RHOU: variants seen among roughly 807,000 people sequenced by gnomAD.
RHOU encodes the protein ras homolog family member U.
In RHOU, 8 loss-of-function variants were observed where a neutral mutation model predicts 12.6. That is an observed-to-expected ratio of 0.64 (90% CI 0.37 to 1.15). The LOEUF (loss-of-function observed/expected upper bound fraction) is 1.15, where lower values mean the gene tolerates loss of function less well. Ranked by LOEUF, RHOU falls within the 50% of genes most tolerant of loss-of-function variation. The pLI, the probability that RHOU is intolerant of heterozygous loss-of-function variation, is 0.01. For synonymous variants in RHOU, 161 were observed against 147.4 expected (o/e 1.09, Z -0.67); for missense variants, 258 against 347.0 (o/e 0.74, Z 2.04).
the RHOU span, among the ~76,000 whole-genome samples, chr1:228,675,542 A>G: frequency 6.6e-6 from 1 of 152,192 alleles, no homozygotes; most frequent in African/African-American, 2.4e-5. Context: ...CATCTGTTGC[A>G]TTTATTTATG....
chr1:228,687,743 G>A, the RHOU span: 2 of 1,427,950 alleles, frequency 1.4e-6, no homozygotes, highest in South Asian at 2.3e-5. Flanking sequence ...TGACCAACTT[G>A]TGCAAGATGG....
At chr1:228,684,038 G>GTTTC in the RHOU span, among the ~76,000 whole-genome samples, 4 of 152,122 alleles carry the variant, frequency 2.6e-5, no homozygotes, top group Admixed American at 6.5e-5. Flanking sequence ...GTTTTTGTTT[G>GTTTC]TTTCTTTCTT....
chr1:228,706,816 A>C, the RHOU span, among the ~76,000 whole-genome samples: 1 of 151,968 alleles, frequency 6.6e-6, no homozygotes, highest in South Asian at 2.1e-4. Context: ...TTACTGAATT[A>C]TTTTATTGTT....
chr1:228,700,000 A>G, the RHOU span, among the ~76,000 whole-genome samples: 2 of 152,236 alleles, frequency 1.3e-5, no homozygotes, highest in African/African-American at 4.8e-5. Flanking sequence ...TTAGTAATCT[A>G]CAACAGTCAC....
At chr1:228,729,164 G>T in the RHOU span, among the ~76,000 whole-genome samples, 36 of 152,010 alleles carry the variant, frequency 2.4e-4, no homozygotes, top group Non-Finnish European at 4.9e-4. Flanking sequence ...AAAGTGCTGG[G>T]ATTACAAGCA....
chr1:228,742,228 A>G (rs574710418), intron 2 of RHOU, among the ~76,000 whole-genome samples: 12 of 152,386 alleles, frequency 7.9e-5, no homozygotes, highest in Admixed American at 7.2e-4. Flanking sequence ...TTAGCTGAAT[A>G]TGGTGCTACA....
chr1:228,646,740 A>G, the RHOU span, among the ~76,000 whole-genome samples: 2 of 151,834 alleles, frequency 1.3e-5, no homozygotes, highest in Admixed American at 6.6e-5. Flanking sequence ...ACTCCCCCAC[A>G]CACAGACACA....
At position 228,744,359 on chromosome 1, in the gene RHOU, T is replaced by C. The variant is rs1193828104; in HGVS notation, c.*619T>C. The C allele has an allele frequency of 2.0e-5, 3 of 152,408 alleles. No homozygotes were observed. Among genetic ancestry groups the C allele is most frequent in the South Asian group, 2.1e-4 (1 of 4,830 alleles). The allele number at this position is 152,408 out of a possible 1,614,324, so 9.4% of individuals were successfully genotyped here. ...AACAGAAAACATCCCACTGACTGTA[T>C]GGCACTCTGTAGTCAAAAAAGGAAA... On this transcript the variant is annotated 3_prime_UTR_variant, in exon 3 of 3. Transcript: ENST00000366691.
the RHOU span, among the ~76,000 whole-genome samples, chr1:228,707,124 A>ATG: frequency 5.1e-5 from 4 of 78,590 alleles, no homozygotes; most frequent in Admixed American, 3.9e-4. Flanking sequence ...ATATATATAT[A>ATG]TACATATATA....
chr1:228,699,694 T>TTTTTTTTTTTTTTTTTTTTTTTGAGACGG, the RHOU span, among the ~76,000 whole-genome samples: 2 of 151,776 alleles, frequency 1.3e-5, no homozygotes, highest in African/African-American at 4.9e-5. Context: ...GTGACTTATT[T>TTTTTTTTTTTTTTTTTTTTTTTGAGACGG]AACTGTTTTA....
At chr1:228,736,656 CTT>C (rs1324227221) in intron 1 of RHOU, among the ~76,000 whole-genome samples, 20 of 152,290 alleles carry the variant, frequency 1.3e-4, no homozygotes, top group African/African-American at 4.6e-4. Flanking sequence ...TTGTTGGTAT[CTT>C]TTCAGGATCC....
rs753387546 is a variant in RHOU, at chr1:228,743,539, C to A, written c.576C>A (p.Ala192=). 20 of 1,614,012 alleles carry A rather than the reference C, an allele frequency of 1.2e-5. No homozygotes were observed. In the South Asian group the frequency reaches 2.2e-4, roughly 18 times the overall value. The part of the protein sequence containing the change: ...PVPEEAAKLC[A]EEIKAASYIE... ...CTGAAGAGGCGGCTAAGCTGTGCGC[C>A]GAGGAAATCAAAGCCGCCTCCTACA... The change falls in exon 3 of 3, where the codon GCC becomes GCA. Residue 192 remains alanine (A), a synonymous_variant. Transcript: ENST00000366691. This position sits in a 1 kb window ranked among gnomAD's most constrained non-coding sequence, Gnocchi z 5.1.
chr1:228,682,126 G>C, the RHOU span, among the ~76,000 whole-genome samples: 2 of 152,220 alleles, frequency 1.3e-5, no homozygotes, highest in Non-Finnish European at 2.9e-5. Flanking sequence ...CTCTATTAGA[G>C]AGGAAAAATA....
chr1:228,660,337 C>T, the RHOU span, among the ~76,000 whole-genome samples: 1 of 149,762 alleles, frequency 6.7e-6, no homozygotes, highest in Non-Finnish European at 1.5e-5. Context: ...AACCAAAAAT[C>T]TCCTGACCGA....
chr1:228,673,190 T>C, the RHOU span, among the ~76,000 whole-genome samples: 2 of 152,200 alleles, frequency 1.3e-5, no homozygotes, highest in South Asian at 4.1e-4. Context: ...CCCCATCTGA[T>C]CACTTTTCCT....
At chr1:228,650,252 T>A in the RHOU span, 1 of 458,170 alleles carries the variant, frequency 2.2e-6, no homozygotes, top group Admixed American at 2.3e-5. Context: ...TGGCGCTGGG[T>A]CGCTGGGTCG....
At chr1:228,672,871 T>C in the RHOU span, among the ~76,000 whole-genome samples, 1 of 152,156 alleles carries the variant, frequency 6.6e-6, no homozygotes, top group Non-Finnish European at 1.5e-5. Context: ...ACAAAGTCAA[T>C]GAATTGGCTG....
rs566304835 is a variant in RHOU, at chr1:228,744,524, A to T, written c.*784A>T. The T allele has an allele frequency of 6.6e-6, 1 of 152,168 alleles. No individual in the cohort carries two copies. The highest frequency in any genetic ancestry group is 2.4e-5 in the African/African-American group (1 of 41,430). 9.4% of individuals were successfully genotyped at this position (152,168 alleles called of 1,614,324 possible). A position where few individuals can be genotyped will look rare whatever the true frequency, so the allele number is the denominator to read the frequency against. On this transcript the variant is annotated 3_prime_UTR_variant, in exon 3 of 3. Transcript: ENST00000366691. ...TGGTTCCTGTGGAGATCAGAAAGTGACATTTGCTTTCGGTACTGTAATACG... is the reference window on the plus strand; with the variant it reads ...TGGTTCCTGTGGAGATCAGAAAGTGTCATTTGCTTTCGGTACTGTAATACG...
the RHOU span, among the ~76,000 whole-genome samples, chr1:228,695,713 C>T: frequency 3.9e-5 from 6 of 152,198 alleles, no homozygotes; most frequent in Non-Finnish European, 7.3e-5. Flanking sequence ...TCATGCATTT[C>T]CAGGGTGAGT....
Sources: gnomAD v4.1 joint callset for allele counts (sites outside exome capture counted in the v4.1 genomes callset) on GRCh38, gnomAD v4.1.1 for gene constraint, Gnocchi (gnomAD v3.1) non-coding constraint, MANE v1.5 for transcripts, NCBI Gene and HGNC (gene_info 2026-07-23, HGNC 2026-07-21) for gene names.